PATJ: variants seen among roughly 807,000 people sequenced by gnomAD.
PATJ encodes PATJ crumbs cell polarity complex component.
Under a neutral mutation model 224.9 loss-of-function variants are expected in PATJ, and 190 were observed. The observed-to-expected ratio is 0.84, with a 90% CI of 0.75 to 0.95. The LOEUF is 0.95. PATJ is among the 40% of genes least tolerant of loss of function. The probability of loss-of-function intolerance (pLI) is 0.00; values close to 1 mark genes in which losing one functional copy is unlikely to be tolerated. For missense variants in PATJ, 2,121 were observed against 2,270.3 expected (o/e 0.93, Z 1.34); for synonymous variants, 769 against 820.3 (o/e 0.94, Z 1.07).
intron 30 of PATJ, among the ~76,000 whole-genome samples, chr1:62,050,700 A>G (rs113525560): frequency 1.3e-5 from 2 of 151,962 alleles, no homozygotes; most frequent in East Asian, 1.9e-4. Flanking sequence ...GAAAAAGACT[A>G]TCCTAGGCAA....
In PATJ at chr1:62,044,055, G is replaced by T. The variant is rs79186896; in HGVS notation, c.4032+6006G>T. Among the ~76,000 whole-genome samples the T allele has an allele frequency of 2.3e-3, 351 of 152,260 alleles. 3 individuals are homozygous for T. Among genetic ancestry groups the T allele is most frequent in the Middle Eastern group, 6.8e-3 (2 of 294 alleles). On this transcript the variant is annotated intron_variant, in intron 30 of 43. Transcript: ENST00000642238. ...TGATGTTTTGAAATATGTGTATGTT[G>T]TAGAATGGCTAAACAAGATAATTAA...
intron 14 of PATJ, among the ~76,000 whole-genome samples, chr1:61,811,048 G>A (rs1430135989): frequency 6.6e-6 from 1 of 152,092 alleles, no homozygotes; most frequent in Non-Finnish European, 1.5e-5. Flanking sequence ...TTTCATAGCT[G>A]TGTAATCTTA....
chr1:61,882,568 A>G (rs538285711), intron 21 of PATJ, among the ~76,000 whole-genome samples: 5 of 152,000 alleles, frequency 3.3e-5, no homozygotes, highest in Admixed American at 2.6e-4. Context: ...CTCAACCCCA[A>G]ATCTTCTGGG....
chr1:61,761,398 C>A (rs1041073432), intron 1 of PATJ, among the ~76,000 whole-genome samples: 1 of 152,100 alleles, frequency 6.6e-6, no homozygotes, highest in Non-Finnish European at 1.5e-5. Flanking sequence ...GGGAAAATAG[C>A]CTCTACCCTT....
At chr1:61,806,657 C>G (rs1428899859) in intron 13 of PATJ, among the ~76,000 whole-genome samples, 1 of 151,620 alleles carries the variant, frequency 6.6e-6, no homozygotes, top group Non-Finnish European at 1.5e-5. Context: ...ACAATTCACA[C>G]TTTCTCTTGG....
At chr1:61,813,376 TATAC>T (rs1236443078) in intron 14 of PATJ, among the ~76,000 whole-genome samples, 52 of 36,808 alleles carry the variant, frequency 1.4e-3, no homozygotes, top group South Asian at 3.4e-3. Flanking sequence ...TATATATATA[TATAC>T]ACACACACAC....
chr1:61,787,908 C>T lies in PATJ; in HGVS notation c.1004C>T (p.Thr335Ile), dbSNP rs1332526483. 1.2e-6 allele frequency: 2 copies of T among 1,611,988 alleles called. No individual in the cohort carries two copies. Among genetic ancestry groups the T allele is most frequent in the Non-Finnish European group, 8.5e-7 (1 of 1,178,448 alleles). ...GATCCAGCTGGTGACATTTCAGTCA[C>T]CCCCCCTGCCCCTGCAGCCTTACCT... ...ARDPAGDISV[T>I]PPAPAALPVA... The change falls in exon 8 of 44, where the codon ACC becomes ATC. Residue 335 changes from threonine to isoleucine, a missense_variant. Transcript: ENST00000642238.
intron 1 of PATJ, among the ~76,000 whole-genome samples, chr1:61,752,563 C>T (rs1015011191): frequency 6.6e-6 from 1 of 152,050 alleles, no homozygotes; most frequent in Non-Finnish European, 1.5e-5. Context: ...CCAAGGCCTC[C>T]CTTGTGCCCG....
rs35950461 is a variant in PATJ, at chr1:61,886,819, C to CAA, written c.3131+2422_3131+2423dup. ...TGGGCAACAGAGCAAGACCCCATCT[C>CAA]AAAAAAAAAAAATTAGCCTGTTGTG... On this transcript the variant is annotated intron_variant, in intron 22 of 43. Transcript: ENST00000642238. Among the ~76,000 whole-genome samples the CAA allele has an allele frequency of 8.0e-5, 7 of 87,418 alleles. 2 individuals are homozygous for CAA. Among genetic ancestry groups the CAA allele is most frequent in the Admixed American group, 2.4e-4 (2 of 8,418 alleles). 57.3% of individuals were successfully genotyped at this position (87,418 alleles called of 152,430 possible). A position where few individuals can be genotyped will look rare whatever the true frequency, so the allele number is the denominator to read the frequency against.
chr1:61,871,064 G>GT (rs1666262735), intron 20 of PATJ, among the ~76,000 whole-genome samples: 1 of 126,134 alleles, frequency 7.9e-6, no homozygotes, highest in Admixed American at 7.8e-5. Context: ...TAAAGATTTG[G>GT]TTTTTGTTTT....
At chr1:61,902,806 G>A (rs189904736) in intron 24 of PATJ, among the ~76,000 whole-genome samples, 2 of 152,254 alleles carry the variant, frequency 1.3e-5, no homozygotes, top group African/African-American at 4.8e-5. Flanking sequence ...AGGAGGATAA[G>A]GAGCGTTGGG....
Position 61,871,476 on chromosome 1 carries a change from T to C in PATJ, c.2836-3767T>C, listed in dbSNP as rs376062139. 1.1e-3 allele frequency among the ~76,000 whole-genome samples: 65 copies of C among 59,408 alleles called. 1 individual carries two copies. Among genetic ancestry groups the C allele is most frequent in the South Asian group, 8.2e-3 (16 of 1,958 alleles). The allele number at this position is 59,408 out of a possible 152,430, so 39.0% of individuals were successfully genotyped here. A position where few individuals can be genotyped will look rare whatever the true frequency, so the allele number is the denominator to read the frequency against. On this transcript the variant is annotated intron_variant, in intron 20 of 43. Transcript: ENST00000642238. ...ATATGCGTATATATATGTATATACA[T>C]ATATATGTGTATATATGTATATATA...
Position 61,864,188 on chromosome 1 carries a change from A to G in PATJ, c.2440-50A>G, listed in dbSNP as rs780831239. 3 of 1,510,002 alleles carry G rather than the reference A, an allele frequency of 2.0e-6. No homozygotes were observed. In the South Asian group the frequency reaches 3.8e-5, roughly 19 times the overall value. 93.5% of individuals were successfully genotyped at this position (1,510,002 alleles called of 1,614,324 possible). ...ATTTTCCAGTTTATCTATATAGTGC[A>G]GCTTCAGGACAGGCGTAACTTCACA... is the stretch of plus-strand genomic sequence containing the variant. On this transcript the variant is annotated intron_variant, in intron 19 of 43. Transcript: ENST00000642238.
intron 28 of PATJ, among the ~76,000 whole-genome samples, chr1:62,008,908 CA>C (rs1646261819): frequency 1.3e-5 from 2 of 151,982 alleles, no homozygotes; most frequent in Admixed American, 1.3e-4. Flanking sequence ...AGCATCAAAT[CA>C]GGAATAAAGA....
rs570486406 is a variant in PATJ, at chr1:61,911,687, A to C, written c.3493-2900A>C. Among the ~76,000 whole-genome samples the C allele has an allele frequency of 5.6e-3, 675 of 121,474 alleles. 6 individuals carry two copies. Among genetic ancestry groups the C allele is most frequent in the African/African-American group, 0.031 (645 of 20,648 alleles). The allele number at this position is 121,474 out of a possible 152,430, so 79.7% of individuals were successfully genotyped here. The stretch of plus-strand genomic sequence containing the variant: ...GCACTTCACAGAAATTCCATCATCT[A>C]TATATTTTTATATATATATATATAT... On this transcript the variant is annotated intron_variant, in intron 25 of 43. Transcript: ENST00000642238.
At chr1:61,827,197 A>G (rs762423271) in intron 15 of PATJ, among the ~76,000 whole-genome samples, 31 of 152,294 alleles carry the variant, frequency 2.0e-4, no homozygotes, top group Admixed American at 4.6e-4. Flanking sequence ...TTATCCATCA[A>G]TACATGCAAA....
At chr1:61,935,961 CA>C (rs1676800520) in intron 27 of PATJ, among the ~76,000 whole-genome samples, 1 of 152,026 alleles carries the variant, frequency 6.6e-6, no homozygotes, top group South Asian at 2.1e-4. Context: ...TTCTGTTACT[CA>C]GAGTCACAGT....
At chr1:61,998,431 C>T (rs7546476) in intron 28 of PATJ, among the ~76,000 whole-genome samples, 27,753 of 151,674 alleles carry the variant, frequency 0.18, 2,704 homozygotes, top group Non-Finnish European at 0.21. Context: ...CTTTCTGTAT[C>T]GCCCAGGCTA....
chr1:61,760,859 C>T (rs1480347826), intron 1 of PATJ, among the ~76,000 whole-genome samples: 1 of 152,104 alleles, frequency 6.6e-6, no homozygotes, highest in Middle Eastern at 3.4e-3. Context: ...GTGATCCACC[C>T]ACCTCGATCT....
Sources: gnomAD v4.1 joint callset for allele counts (sites outside exome capture counted in the v4.1 genomes callset) on GRCh38, gnomAD v4.1.1 for gene constraint, MANE v1.5 for transcripts, NCBI Gene and HGNC (gene_info 2026-07-23, HGNC 2026-07-21) for gene names.